Variants in RIN3 observed in about 807,000 individuals in gnomAD.
The protein encoded by RIN3 is RAB5 interacting protein 3.
RIN3 carries 54 observed loss-of-function variants against 76.3 expected under a neutral mutation model. The observed-to-expected ratio is 0.71, with a 90% CI of 0.57 to 0.89. RIN3 has a LOEUF of 0.89. Ranked by LOEUF, RIN3 falls within the 40% of genes least tolerant of loss-of-function variation. The pLI, the probability that RIN3 is intolerant of heterozygous loss-of-function variation, is 0.00. For synonymous variants in RIN3, 576 were observed against 564.0 expected (o/e 1.02, Z -0.30); for missense variants, 1,256 against 1,322.1 (o/e 0.95, Z 0.78).
chr14:92,565,599 G>A (rs916739852), intron 2 of RIN3, among the ~76,000 whole-genome samples: 5 of 152,142 alleles, frequency 3.3e-5, no homozygotes, highest in Admixed American at 6.5e-5. Flanking sequence ...GGGTTTCCCC[G>A]CTTTTTAGAC....
At chr14:92,661,723 T>A (rs1032016298) in intron 7 of RIN3, among the ~76,000 whole-genome samples, 12 of 134,878 alleles carry the variant, frequency 8.9e-5, no homozygotes, top group African/African-American at 2.3e-4. Flanking sequence ...TGAGACTCTG[T>A]CACACACACA....
At chr14:92,553,398 C>T (rs995503473) in intron 1 of RIN3, among the ~76,000 whole-genome samples, 6 of 152,228 alleles carry the variant, frequency 3.9e-5, no homozygotes, top group Middle Eastern at 3.4e-3. Flanking sequence ...ATCATTTTAA[C>T]TTTTCCCAGA....
chr14:92,541,417 C>T (rs1224296606), intron 1 of RIN3, among the ~76,000 whole-genome samples: 1 of 152,186 alleles, frequency 6.6e-6, no homozygotes, highest in African/African-American at 2.4e-5. Context: ...CCATTTGGGA[C>T]TCCACATTTC....
intron 4 of RIN3, among the ~76,000 whole-genome samples, chr14:92,620,583 G>A (rs1045729005): frequency 6.6e-6 from 1 of 152,116 alleles, no homozygotes; most frequent in African/African-American, 2.4e-5. Flanking sequence ...AGAACCAAAT[G>A]AAAGCCTTCC....
intron 1 of RIN3, among the ~76,000 whole-genome samples, chr14:92,525,515 G>T (rs565067015): frequency 6.6e-6 from 1 of 152,248 alleles, no homozygotes; most frequent in African/African-American, 2.4e-5. Context: ...ATGCCAAAGA[G>T]GGGGGTGAAA....
intron 7 of RIN3, among the ~76,000 whole-genome samples, chr14:92,666,971 G>A (rs1888126921): frequency 6.6e-6 from 1 of 152,100 alleles, no homozygotes; most frequent in African/African-American, 2.4e-5. Context: ...TGACCAGGTG[G>A]TGGGACGTGG....
At chr14:92,521,199 A>G (rs1464404160) in intron 1 of RIN3, among the ~76,000 whole-genome samples, 1 of 149,750 alleles carries the variant, frequency 6.7e-6, no homozygotes, top group Admixed American at 6.6e-5. Flanking sequence ...CTATCCACCC[A>G]TCGACCTATC....
rs142007147 is a variant in RIN3 at position 92,652,982 on chromosome 14, C to T, written c.1933C>T (p.Arg645Cys). ...CAGCACGGAGATGCTGCAGGAGATT[C>T]GCACCATGATGACCCAGCTCAAGAG... ...TSSTEMLQEIRTMMTQLKSYL... is the reference protein window; with the variant it reads ...TSSTEMLQEICTMMTQLKSYL... The change falls in exon 6 of 10, where the codon CGC (arginine) becomes TGC (cysteine). Residue 645 changes from arginine (R) to cysteine (C), a missense_variant. Transcript: ENST00000216487. This position sits in a 1 kb window ranked among gnomAD's most constrained non-coding sequence, Gnocchi z 6.4. The T allele has an allele frequency of 3.1e-6, 5 of 1,613,284 alleles. No individual in the cohort carries two copies. The highest frequency in any genetic ancestry group is 2.2e-5 in the East Asian group (1 of 44,888).
At chr14:92,661,855 G>C (rs940831011) in intron 7 of RIN3, among the ~76,000 whole-genome samples, 1 of 152,232 alleles carries the variant, frequency 6.6e-6, no homozygotes, top group African/African-American at 2.4e-5. Context: ...TGGGAAGAGA[G>C]AGGGTTGTAG....
chr14:92,532,878 CG>C (rs1896916877), intron 1 of RIN3, among the ~76,000 whole-genome samples: 2 of 152,078 alleles, frequency 1.3e-5, no homozygotes. Context: ...TCTTGAAAGC[CG>C]GGGAGCTTGG....
intron 1 of RIN3, among the ~76,000 whole-genome samples, chr14:92,543,269 G>T (rs1595400814): frequency 6.6e-6 from 1 of 151,956 alleles, no homozygotes; most frequent in African/African-American, 2.4e-5. Context: ...GGGGTGGGGG[G>T]AGTAGTCCTC....
At chr14:92,669,107 G>A (rs1888202991) in intron 7 of RIN3, among the ~76,000 whole-genome samples, 1 of 152,194 alleles carries the variant, frequency 6.6e-6, no homozygotes, top group African/African-American at 2.4e-5. Flanking sequence ...TGTGATAACT[G>A]ATATTCATTC....
chr14:92,540,598 C>A (rs1031610596), intron 1 of RIN3, among the ~76,000 whole-genome samples: 3 of 152,224 alleles, frequency 2.0e-5, no homozygotes, highest in Non-Finnish European at 4.4e-5. Context: ...CAGCCTGGAA[C>A]TGTGTTTTTG....
Position 92,688,006 on chromosome 14 carries a change from G to T in RIN3, c.2712G>T (p.Ala904=), listed in dbSNP as rs1254297440. Residue 904 remains alanine, a synonymous_variant, in exon 10 of 10, where the codon GCG becomes GCT. Transcript: ENST00000216487. ...CGCGGGCGGACACCCAGGCCCAGGCGCTGTGCGCGCAGTGCGCGGAGAAGT... is the reference window on the plus strand; with the variant it reads ...CGCGGGCGGACACCCAGGCCCAGGCTCTGTGCGCGCAGTGCGCGGAGAAGT... ...LASRADTQAQ[A]LCAQCAEKFA... 1.9e-6 allele frequency: 3 copies of T among 1,574,808 alleles called. No homozygotes were observed. The African/African-American group carries it at 4.1e-5, about 21-fold the overall frequency.
At chr14:92,665,728 TC>T (rs1204865551) in intron 7 of RIN3, among the ~76,000 whole-genome samples, 30 of 113,844 alleles carry the variant, frequency 2.6e-4, no homozygotes, top group African/African-American at 8.1e-4. Context: ...CTGTTTTTTT[TC>T]CCCCAGCCCC....
At chr14:92,644,474 C>G (rs1054987208) in intron 5 of RIN3, 7 of 151,932 alleles carry the variant, frequency 4.6e-5, no homozygotes, top group African/African-American at 1.7e-4. Context: ...CAGACAAGAC[C>G]TTCTCTCCTG....
At chr14:92,678,408 G>A (rs1039934517) in intron 8 of RIN3, among the ~76,000 whole-genome samples, 1 of 128,698 alleles carries the variant, frequency 7.8e-6, no homozygotes, top group Admixed American at 8.0e-5. Context: ...CCACATATTC[G>A]CCCACCCTCC....
chr14:92,551,507 G>T (rs1039873916), intron 1 of RIN3, among the ~76,000 whole-genome samples: 2 of 152,114 alleles, frequency 1.3e-5, no homozygotes, highest in African/African-American at 2.4e-5. Flanking sequence ...ATATGTTTAG[G>T]TTTATTAAAA....
At chr14:92,670,460 G>A (rs796372718) in intron 7 of RIN3, among the ~76,000 whole-genome samples, 18 of 152,280 alleles carry the variant, frequency 1.2e-4, no homozygotes, top group African/African-American at 4.1e-4. Flanking sequence ...CTGAGGCTCC[G>A]ATGTGCTCAG....
Sources: allele counts gnomAD v4.1 joint callset (sites outside exome capture counted in the v4.1 genomes callset), GRCh38; gene constraint gnomAD v4.1.1; non-coding constraint Gnocchi (gnomAD v3.1); transcripts MANE v1.5; gene names NCBI Gene and HGNC (gene_info 2026-07-23, HGNC 2026-07-21).